NT5DC4: variants seen among roughly 807,000 people sequenced by gnomAD.
The protein encoded by NT5DC4 is 5'-nucleotidase domain containing 4.
In NT5DC4, 44 loss-of-function variants were observed where a neutral mutation model predicts 26.6. The ratio of observed to expected loss-of-function variants is 1.65; its 90% CI spans 1.30 to 2.13. The LOEUF is 2.13. Among genes scored for constraint, NT5DC4 ranks in the 30% most tolerant of loss-of-function variants. The pLI, the probability that NT5DC4 is intolerant of heterozygous loss-of-function variation, is 0.00. For missense variants in NT5DC4, 399 were observed against 228.1 expected, an observed-to-expected ratio of 1.75 and a Z score of -4.83; for synonymous variants, 157 against 86.7, an observed-to-expected ratio of 1.81 and a Z score of -4.51.
At chr2:112,734,169 ATGTGTGTGTGTGTG>A (rs59851361) in intron 16 of NT5DC4, among the ~76,000 whole-genome samples, 5 of 134,786 alleles carry the variant, frequency 3.7e-5, no homozygotes. Flanking sequence ...TATTATATAT[ATGTGTGTGTGTGTG>A]TGTGTGTGTG....
At position 112,722,782 on chromosome 2, in the gene NT5DC4, T is replaced by C. The variant is rs191415709; in HGVS notation, c.527+11T>C. The C allele has an allele frequency of 2.8e-6, 2 of 717,544 alleles. No homozygotes were observed. Among genetic ancestry groups the C allele is most frequent in the Non-Finnish European group, 5.2e-6 (2 of 385,088 alleles). 44.4% of individuals were successfully genotyped at this position (717,544 alleles called of 1,614,324 possible). A position where few individuals can be genotyped will look rare whatever the true frequency, so the allele number is the denominator to read the frequency against. On this transcript the variant is annotated intron_variant, in intron 6 of 16. Coordinates refer to ENST00000688554, the MANE Select transcript of NT5DC4 (RefSeq NM_001393655.1). The stretch of plus-strand genomic sequence containing the variant: ...CTCCCGTTACACTAAGTGCGTCTTG[T>C]GCCCTGCCCAGCCCTGGGACGACCA...
intron 16 of NT5DC4, among the ~76,000 whole-genome samples, chr2:112,735,194 C>T (rs539919034): frequency 6.6e-6 from 1 of 151,958 alleles, no homozygotes; most frequent in Non-Finnish European, 1.5e-5. Flanking sequence ...CAGGTGCGTA[C>T]CCCCACGCCT....
At chr2:112,719,924 C>CTCTTTCTTTCTTTCTTTCTTTTTT (rs1676694047), upstream of NT5DC4, among the ~76,000 whole-genome samples, 20 of 69,154 alleles carry the variant, frequency 2.9e-4, no homozygotes, top group African/African-American at 1.1e-3. Context: ...TTCTTTCTTT[C>CTCTTTCTTTCTTTCTTTCTTTTTT]TCTTTCTTTC....
At chr2:112,732,731 G>A (rs1344214727) in intron 16 of NT5DC4, among the ~76,000 whole-genome samples, 1 of 152,164 alleles carries the variant, frequency 6.6e-6, no homozygotes, top group Non-Finnish European at 1.5e-5. Flanking sequence ...GGATCCTAGC[G>A]AGGGAAAGGA....
chr2:112,736,896 G>A (rs984282078), intron 16 of NT5DC4: 1 of 152,026 alleles, frequency 6.6e-6, no homozygotes, highest in African/African-American at 2.4e-5. Context: ...CCACAAACAT[G>A]TGAGTGCAGA....
At chr2:112,725,124 G>C (rs1390889699) in intron 11 of NT5DC4, 50 bp from the exon 12 acceptor site, 2 of 695,644 alleles carry the variant, frequency 2.9e-6, no homozygotes, top group East Asian at 5.4e-5. Context: ...CCTAGCTAGA[G>C]ACCAAAGATG....
chr2:112,723,691 C>G (rs1210976785), intron 8 of NT5DC4, 28 bp from the exon 9 acceptor site: 5 of 714,934 alleles, frequency 7.0e-6, no homozygotes, highest in African/African-American at 3.5e-5. Context: ...GAGTCCCACC[C>G]CTGCAAGTCC....
At chr2:112,739,447 C>T (rs1259976606), downstream of NT5DC4, among the ~76,000 whole-genome samples, 2 of 152,154 alleles carry the variant, frequency 1.3e-5, no homozygotes, top group African/African-American at 4.8e-5. Flanking sequence ...CCCTGATTTC[C>T]AGAATGTACT....
In NT5DC4 at chr2:112,721,129, G is replaced by T. The variant is rs1363467738; in HGVS notation, c.50G>T (p.Gly17Val). Among the ~76,000 whole-genome samples the T allele has an allele frequency of 6.6e-6, 1 of 152,172 alleles. No individual in the cohort carries two copies. The highest frequency in any genetic ancestry group is 2.4e-5 in the African/African-American group (1 of 41,446). ...REPEGLVSPQ[G>V]PKQDWHQRIF... ...CCGGAGGGACTGGTCTCCCCTCAAG[G>T]CCCGAAGCAGGACTGGCACCAGCGG... Residue 17 changes from glycine (G) to valine (V), a missense_variant, in exon 1 of 17, where the codon GGC becomes GTC. Transcript: ENST00000688554.
chr2:112,729,149 G>T (rs1341076857), intron 15 of NT5DC4, among the ~76,000 whole-genome samples: 1 of 151,976 alleles, frequency 6.6e-6, no homozygotes, highest in African/African-American at 2.4e-5. Context: ...TTTTGGCCAA[G>T]TCTAGCTCTG....
downstream of NT5DC4, among the ~76,000 whole-genome samples, chr2:112,741,220 T>G (rs1679936900): frequency 6.6e-6 from 1 of 152,184 alleles, no homozygotes; most frequent in African/African-American, 2.4e-5. Flanking sequence ...GCTACCCTCG[T>G]AGCCAGCCCC....
chr2:112,726,777 G>T (rs924005299), intron 15 of NT5DC4, 39 bp downstream of exon 15: 1 of 717,108 alleles, frequency 1.4e-6, no homozygotes, highest in Non-Finnish European at 2.6e-6. Flanking sequence ...AGGCCCAGCA[G>T]GGGCGGAGCC....
At position 112,729,168 on chromosome 2, in the gene NT5DC4, G is replaced by A. The variant is rs542317448; in HGVS notation, c.1267-459G>A. Among the ~76,000 whole-genome samples, 9 of 152,274 alleles carry A rather than the reference G, an allele frequency of 5.9e-5. No individual in the cohort carries two copies. In the South Asian group the frequency reaches 1.7e-3, roughly 28 times the overall value. Reference sequence around the variant, plus strand: ...GGCCAAGTCTAGCTCTGCTGCCCAGGCTGGAGTGCAGTGGTGCAATCTCTG... The same window carrying A: ...GGCCAAGTCTAGCTCTGCTGCCCAGACTGGAGTGCAGTGGTGCAATCTCTG... On this transcript the variant is annotated intron_variant, in intron 15 of 16. Transcript: ENST00000688554.
At chr2:112,730,683 A>C (rs964168635) in intron 16 of NT5DC4, among the ~76,000 whole-genome samples, 1 of 152,172 alleles carries the variant, frequency 6.6e-6, no homozygotes, top group Non-Finnish European at 1.5e-5. Flanking sequence ...ACTTTAAAAG[A>C]TGTGTATCCC....
At chr2:112,731,846 G>A (rs1678520157) in intron 16 of NT5DC4, among the ~76,000 whole-genome samples, 1 of 151,418 alleles carries the variant, frequency 6.6e-6, no homozygotes, top group African/African-American at 2.4e-5. Flanking sequence ...ATTTTCTGTG[G>A]ATAAACAATG....
chr2:112,738,798 C>T lies in NT5DC4; in HGVS notation c.1345-115C>T, dbSNP rs764407057. 4.0e-6 allele frequency: 6 copies of T among 1,506,274 alleles called. 1 individual carries two copies. The South Asian group carries it at 6.8e-5, about 17-fold the overall frequency. The allele number at this position is 1,506,274 out of a possible 1,614,324, so 93.3% of individuals were successfully genotyped here. A position where few individuals can be genotyped will look rare whatever the true frequency, so the allele number is the denominator to read the frequency against. ...TTGTCTTATGTTGGTTCTGAAACAC[C>T]TTTTTTAAAAAAAGCATCAAGAAAT... On this transcript the variant is annotated intron_variant, in intron 16 of 16. Coordinates refer to ENST00000688554, the MANE Select transcript of NT5DC4 (RefSeq NM_001393655.1).
chr2:112,723,782 A>G lies in NT5DC4; in HGVS notation c.736A>G (p.Ser246Gly), dbSNP rs2104724338. Residue 246 changes from serine to glycine, a missense_variant, in exon 9 of 17, where the codon AGC (serine) becomes GGC (glycine). Ser to Gly is a moderately conservative substitution (Grantham distance 56). Coordinates refer to ENST00000688554, the MANE Select transcript of NT5DC4 (RefSeq NM_001393655.1). ...TGGGAAAGTGTTTCTGGCCACCAAC[A>G]GCAGCTACAACTACACCAATGTGAG... ...EVGKVFLATN[S>G]SYNYTNAIMT... is the part of the protein sequence containing the mutation. 1 of 716,774 alleles carries G rather than the reference A, an allele frequency of 1.4e-6. No homozygotes were observed. Among genetic ancestry groups the G allele is most frequent in the South Asian group, 1.5e-5 (1 of 67,580 alleles). 44.4% of individuals were successfully genotyped at this position (716,774 alleles called of 1,614,324 possible).
At chr2:112,726,803 C>G (rs1677800293) in intron 15 of NT5DC4, 65 bp downstream of exon 15, 7 of 716,210 alleles carry the variant, frequency 9.8e-6, no homozygotes, top group Middle Eastern at 4.6e-4. Flanking sequence ...CACTTCCCCA[C>G]TGCTTGCCTG....
At chr2:112,719,311 A>C (rs1676618172), upstream of NT5DC4, among the ~76,000 whole-genome samples, 1 of 152,188 alleles carries the variant, frequency 6.6e-6, no homozygotes, top group African/African-American at 2.4e-5. Flanking sequence ...GTTCCGCAGC[A>C]CACAACTGTG....
Sources: gnomAD v4.1 joint callset for allele counts (sites outside exome capture counted in the v4.1 genomes callset) on GRCh38, gnomAD v4.1.1 for gene constraint, MANE v1.5 for transcripts, NCBI Gene and HGNC (gene_info 2026-07-23, HGNC 2026-07-21) for gene names.